Variants in ZCCHC7 observed in about 807,000 individuals in gnomAD.
The protein encoded by ZCCHC7 is zinc finger CCHC domain-containing protein 7.
ZCCHC7 carries 35 observed loss-of-function variants against 52.0 expected under a neutral mutation model. The ratio of observed to expected loss-of-function variants is 0.67; its 90% CI spans 0.51 to 0.89. The LOEUF (loss-of-function observed/expected upper bound fraction) is 0.89. ZCCHC7 is among the 40% of genes least tolerant of loss of function. The pLI is 0.00. For synonymous variants in ZCCHC7, 217 were observed against 221.5 expected, an observed-to-expected ratio of 0.98 and a Z score of 0.18; for missense variants, 574 against 649.1, an observed-to-expected ratio of 0.88 and a Z score of 1.26.
intron 2 of ZCCHC7, among the ~76,000 whole-genome samples, chr9:37,155,136 G>A (rs571380688): frequency 7.9e-5 from 12 of 152,228 alleles, no homozygotes; most frequent in African/African-American, 2.2e-4. Flanking sequence ...CAAGGCGGGC[G>A]GATCATGAGG....
At chr9:37,319,871 C>G (rs940522806) in intron 5 of ZCCHC7, among the ~76,000 whole-genome samples, 2 of 152,160 alleles carry the variant, frequency 1.3e-5, no homozygotes, top group African/African-American at 4.8e-5. Flanking sequence ...TGTTCTAACA[C>G]CATTTGTCGA....
intron 2 of ZCCHC7, among the ~76,000 whole-genome samples, chr9:37,300,505 AATC>A (rs1828985075): frequency 6.6e-6 from 1 of 152,254 alleles, no homozygotes; most frequent in South Asian, 2.1e-4. Flanking sequence ...CAAAGAAAAT[AATC>A]ATCAGCACAG....
At chr9:37,283,238 A>G (rs1336193282) in intron 2 of ZCCHC7, among the ~76,000 whole-genome samples, 1 of 152,178 alleles carries the variant, frequency 6.6e-6, no homozygotes, top group Non-Finnish European at 1.5e-5. Context: ...AGAAATAAAG[A>G]TAGGTAGTCA....
At chr9:37,196,602 T>A (rs1396759613) in intron 2 of ZCCHC7, among the ~76,000 whole-genome samples, 1 of 152,226 alleles carries the variant, frequency 6.6e-6, no homozygotes, top group African/African-American at 2.4e-5. Context: ...CTATCTAGCT[T>A]TGTTACATAG....
chr9:37,344,399 C>A (rs1408329912), intron 6 of ZCCHC7, among the ~76,000 whole-genome samples: 3 of 152,166 alleles, frequency 2.0e-5, no homozygotes, highest in Non-Finnish European at 4.4e-5. Context: ...ATTTATAAAG[C>A]CCTAAGTGAT....
At chr9:37,164,527 C>G (rs1821312184) in intron 2 of ZCCHC7, among the ~76,000 whole-genome samples, 2 of 150,368 alleles carry the variant, frequency 1.3e-5, no homozygotes, top group Non-Finnish European at 3.0e-5. Flanking sequence ...GACTCTGTCT[C>G]AGAAGGAAGG....
chr9:37,306,762 C>CTTTTTTTTTTTT lies in ZCCHC7; in HGVS notation c.951+1079_951+1090dup, dbSNP rs869292704. Among the ~76,000 whole-genome samples the CTTTTTTTTTTTT allele has an allele frequency of 5.0e-4, 26 of 52,034 alleles. 7 individuals carry two copies. Among genetic ancestry groups the CTTTTTTTTTTTT allele is most frequent in the South Asian group, 8.0e-4 (1 of 1,246 alleles). The allele number at this position is 52,034 out of a possible 152,430, so 34.1% of individuals were successfully genotyped here. A position where few individuals can be genotyped will look rare whatever the true frequency, so the allele number is the denominator to read the frequency against. ...ACAGGCATGAGCCACTGTACCCGAC[C>CTTTTTTTTTTTT]TTTTTTTTTTTTTTTTTTTTTTTTT... On this transcript the variant is annotated intron_variant, in intron 5 of 8. Coordinates refer to ENST00000336755, the MANE Select transcript of ZCCHC7 (RefSeq NM_032226.3).
intron 2 of ZCCHC7, among the ~76,000 whole-genome samples, chr9:37,169,152 A>G (rs959004423): frequency 2.6e-5 from 4 of 152,234 alleles, no homozygotes; most frequent in Non-Finnish European, 5.9e-5. Flanking sequence ...ATGAAGAAAC[A>G]AAATACAGGG....
intron 2 of ZCCHC7, among the ~76,000 whole-genome samples, chr9:37,159,325 A>C (rs1820971596): frequency 6.6e-6 from 1 of 152,226 alleles, no homozygotes; most frequent in Admixed American, 6.5e-5. Flanking sequence ...GTGGTTACCT[A>C]ACATGGCTAT....
intron 2 of ZCCHC7, among the ~76,000 whole-genome samples, chr9:37,183,404 T>G (rs1822475345): frequency 6.6e-6 from 1 of 152,192 alleles, no homozygotes; most frequent in African/African-American, 2.4e-5. Flanking sequence ...TTATTTGAAA[T>G]GTTATTTGTT....
chr9:37,189,829 A>C (rs547968394), intron 2 of ZCCHC7, among the ~76,000 whole-genome samples: 7 of 152,328 alleles, frequency 4.6e-5, no homozygotes, highest in Admixed American at 4.6e-4. Flanking sequence ...TGTGTGTGCC[A>C]AACATTGGAC....
intron 2 of ZCCHC7, among the ~76,000 whole-genome samples, chr9:37,283,911 G>T (rs1256657432): frequency 6.6e-6 from 1 of 151,866 alleles, no homozygotes; most frequent in Non-Finnish European, 1.5e-5. Context: ...TCAGAGAATG[G>T]CCCTGTGGCT....
chr9:37,141,910 A>T (rs372172338), intron 2 of ZCCHC7, among the ~76,000 whole-genome samples: 180 of 151,952 alleles, frequency 1.2e-3, no homozygotes, highest in South Asian at 5.6e-3. Context: ...GTACTGCTGA[A>T]TTTAAGTCCT....
At chr9:37,318,002 A>G (rs1219760557) in intron 5 of ZCCHC7, among the ~76,000 whole-genome samples, 4 of 151,956 alleles carry the variant, frequency 2.6e-5, no homozygotes, top group Non-Finnish European at 5.9e-5. Context: ...AAATAATAAT[A>G]CCCAATGTTA....
At chr9:37,272,876 C>G (rs1174878320) in intron 2 of ZCCHC7, among the ~76,000 whole-genome samples, 1 of 152,124 alleles carries the variant, frequency 6.6e-6, no homozygotes, top group Non-Finnish European at 1.5e-5. Context: ...GTATAGTATT[C>G]TATTGTATGA....
At chr9:37,350,581 T>C (rs376422636) in intron 7 of ZCCHC7, among the ~76,000 whole-genome samples, 5 of 152,348 alleles carry the variant, frequency 3.3e-5, no homozygotes, top group African/African-American at 1.2e-4. Context: ...AATGCCCAGA[T>C]TCCCTATCCA....
chr9:37,303,811 G>T (rs1829163048), intron 3 of ZCCHC7, among the ~76,000 whole-genome samples: 1 of 151,884 alleles, frequency 6.6e-6, no homozygotes, highest in Non-Finnish European at 1.5e-5. Flanking sequence ...TTACAGACCT[G>T]CGCCACCACG....
At chr9:37,303,392 C>T (rs1343052348) in intron 3 of ZCCHC7, among the ~76,000 whole-genome samples, 1 of 151,072 alleles carries the variant, frequency 6.6e-6, no homozygotes, top group Non-Finnish European at 1.5e-5. Context: ...CGCCACTTCA[C>T]TCCAGCCTGG....
At chr9:37,346,866 C>T (rs908978094) in intron 6 of ZCCHC7, among the ~76,000 whole-genome samples, 2 of 152,056 alleles carry the variant, frequency 1.3e-5, no homozygotes, top group Non-Finnish European at 2.9e-5. Context: ...CGTAGTGGTG[C>T]ACTCCTGTGG....
Sources: gnomAD v4.1 joint callset for allele counts (sites outside exome capture counted in the v4.1 genomes callset) on GRCh38, gnomAD v4.1.1 for gene constraint, MANE v1.5 for transcripts, NCBI Gene and HGNC (gene_info 2026-07-23, HGNC 2026-07-21) for gene names.